The following ZNF333 variants were observed in gnomAD, a reference collection of about 807,000 sequenced individuals.
The protein encoded by ZNF333 is zinc finger protein 333.
In ZNF333, 61 loss-of-function variants were observed where a neutral mutation model predicts 76.1. The observed-to-expected ratio is 0.80, with a 90% CI of 0.65 to 0.99. ZNF333 has a LOEUF of 0.99. ZNF333 is among the 50% of genes least tolerant of loss of function. The pLI is 0.00. For synonymous variants in ZNF333, 284 were observed against 305.0 expected (o/e 0.93, Z 0.72); for missense variants, 717 against 822.4 (o/e 0.87, Z 1.57).
At position 14,692,824 on chromosome 19, in the gene ZNF333, CT is replaced by C. The variant is rs112233179; in HGVS notation, c.-41-614del. 1.6e-3 allele frequency among the ~76,000 whole-genome samples: 230 copies of C among 144,016 alleles called. 3 individuals carry two copies. The highest frequency in any genetic ancestry group is 6.4e-3 in the South Asian group (29 of 4,532). 94.5% of individuals were successfully genotyped at this position (144,016 alleles called of 152,430 possible). A position where few individuals can be genotyped will look rare whatever the true frequency, so the allele number is the denominator to read the frequency against. On this transcript the variant is annotated intron_variant, in intron 1 of 11. Transcript: ENST00000292530. ...CACCGTGCTTGACCTGGACCTTATT[CT>C]TTTTTTTTTTTTCTTGACATGGAGT...
chr19:14,715,207 G>A, intron 7 of ZNF333, 175 bp from the exon 8 acceptor site: 3 of 586,694 alleles, frequency 5.1e-6, no homozygotes, highest in Non-Finnish European at 9.2e-6. Context: ...GTGATTGCAT[G>A]CATGCGTGTG....
At chr19:14,691,170 C>A (rs925279195) in intron 1 of ZNF333, among the ~76,000 whole-genome samples, 14 of 152,070 alleles carry the variant, frequency 9.2e-5, no homozygotes, top group African/African-American at 3.4e-4. Flanking sequence ...ATGTTTGAGA[C>A]GACTTTTACT....
In ZNF333 at chr19:14,717,426, C is replaced by G. The variant is rs2042466003; in HGVS notation, c.824-231C>G. Reference sequence around the variant, plus strand: ...GTAGAATCCTTTTTTGGTAAATTACCTACTATTTCCTTCCCATGTTCCTCT... The same window carrying G: ...GTAGAATCCTTTTTTGGTAAATTACGTACTATTTCCTTCCCATGTTCCTCT... On this transcript the variant is annotated intron_variant, in intron 10 of 11. Coordinates refer to ENST00000292530, the MANE Select transcript of ZNF333 (RefSeq NM_032433.4). The G allele has an allele frequency of 7.2e-6, 4 of 552,982 alleles. No homozygotes were observed. The South Asian group carries it at 9.4e-5, about 13-fold the overall frequency. The allele number at this position is 552,982 out of a possible 1,614,324, so 34.3% of individuals were successfully genotyped here. A position where few individuals can be genotyped will look rare whatever the true frequency, so the allele number is the denominator to read the frequency against.
At chr19:14,696,359 A>C (rs930710124) in intron 4 of ZNF333, among the ~76,000 whole-genome samples, 1 of 152,032 alleles carries the variant, frequency 6.6e-6, no homozygotes, top group South Asian at 2.1e-4. Flanking sequence ...CCCCTCCCTC[A>C]GCCCCTGGCA....
chr19:14,701,399 C>G (rs1245800960), intron 5 of ZNF333, among the ~76,000 whole-genome samples: 1 of 152,166 alleles, frequency 6.6e-6, no homozygotes, highest in Non-Finnish European at 1.5e-5. Flanking sequence ...ACCACTACAC[C>G]TGGCTGATTT....
intron 5 of ZNF333, among the ~76,000 whole-genome samples, chr19:14,700,698 A>C (rs1199045622): frequency 1.3e-5 from 2 of 152,088 alleles, no homozygotes; most frequent in African/African-American, 2.4e-5. Context: ...GTATTGGTGA[A>C]AGTTAGAGTT....
chr19:14,731,212 CT>C (rs1402205055), exon 12 of ZNF333: 15 of 1,532,150 alleles, frequency 9.8e-6, no homozygotes, highest in African/African-American at 1.4e-5. Context: ...ACATCCAGTA[CT>C]CTCTTGCATG....
chr19:14,691,961 G>A (rs1972807539), intron 1 of ZNF333, among the ~76,000 whole-genome samples: 1 of 152,172 alleles, frequency 6.6e-6, no homozygotes, highest in African/African-American at 2.4e-5. Context: ...ATAGGCGTGA[G>A]CAACCATACC....
intron 8 of ZNF333, among the ~76,000 whole-genome samples, 197 bp from the exon 9 acceptor site, chr19:14,715,911 TCTTA>T (rs1425161803): frequency 4.6e-5 from 7 of 152,308 alleles, no homozygotes; most frequent in African/African-American, 1.2e-4. Flanking sequence ...CTCTTGCTGT[TCTTA>T]CTTAAGGAGT....
chr19:14,716,069 T>G, intron 8 of ZNF333, 43 bp from the exon 9 acceptor site: 9 of 1,611,630 alleles, frequency 5.6e-6, no homozygotes, highest in Non-Finnish European at 7.6e-6. Flanking sequence ...GGCGTACTGG[T>G]GGGGGTGGTC....
chr19:14,701,824 G>A, intron 5 of ZNF333: 1 of 985,496 alleles, frequency 1.0e-6, no homozygotes, highest in Non-Finnish European at 1.2e-6. Flanking sequence ...GGCAGAGGAG[G>A]TCCACCTATG....
chr19:14,691,771 G>A (rs1972794148), intron 1 of ZNF333, among the ~76,000 whole-genome samples: 1 of 148,020 alleles, frequency 6.8e-6, no homozygotes, highest in Non-Finnish European at 1.5e-5. Context: ...CTGCCTCCTG[G>A]GTTCAAGCAA....
chr19:14,696,182 A>G (rs1009757422), intron 4 of ZNF333, among the ~76,000 whole-genome samples: 1 of 152,182 alleles, frequency 6.6e-6, no homozygotes, highest in African/African-American at 2.4e-5. Context: ...AAAAAACAAA[A>G]CAAAGCAAAA....
intron 7 of ZNF333, among the ~76,000 whole-genome samples, chr19:14,712,291 C>T (rs1171583265): frequency 3.3e-5 from 5 of 151,870 alleles, no homozygotes; most frequent in African/African-American, 1.2e-4. Context: ...GCAATCTTGG[C>T]TCACTGCAAA....
Position 14,721,050 on chromosome 19 carries a change from T to A in ZNF333, c.*1725T>A. ...TCATTGTAATGATAGTAAATACTTA[T>A]TTAGAGTTTACTATTAATAGATAGT... On this transcript the variant is annotated 3_prime_UTR_variant, in exon 12 of 12. Transcript: ENST00000292530. 1 of 801,512 alleles carries A rather than the reference T, an allele frequency of 1.2e-6. No individual in the cohort carries two copies. Among genetic ancestry groups the A allele is most frequent in the Non-Finnish European group, 1.5e-6 (1 of 662,590 alleles). 49.7% of individuals were successfully genotyped at this position (801,512 alleles called of 1,614,324 possible).
intron 5 of ZNF333, chr19:14,702,040 A>G (rs2041972629): frequency 2.8e-6 from 1 of 353,186 alleles, no homozygotes. Context: ...AGGCCATGCC[A>G]GGCATCATTG....
chr19:14,715,982 G>A lies in ZNF333; in HGVS notation c.601-130G>A, dbSNP rs559512695. The A allele has an allele frequency of 6.8e-5, 99 of 1,459,510 alleles. No individual in the cohort carries two copies. The Middle Eastern group carries it at 1.1e-3, about 16-fold the overall frequency. 90.4% of individuals were successfully genotyped at this position (1,459,510 alleles called of 1,614,324 possible). A position where few individuals can be genotyped will look rare whatever the true frequency, so the allele number is the denominator to read the frequency against. Reference sequence around the variant, plus strand: ...TCCTGAGCTAAGGGCCAGATTCTGCGGGATCTCAGAACCCTGTCTGAAAGT... The same window carrying A: ...TCCTGAGCTAAGGGCCAGATTCTGCAGGATCTCAGAACCCTGTCTGAAAGT... On this transcript the variant is annotated intron_variant, in intron 8 of 11. Coordinates refer to ENST00000292530, the MANE Select transcript of ZNF333 (RefSeq NM_032433.4).
At position 14,693,510 on chromosome 19, in the gene ZNF333, G is replaced by A. The variant is rs771651659; in HGVS notation, c.3+16G>A. On this transcript the variant is annotated intron_variant, in intron 2 of 11. Coordinates refer to ENST00000292530, the MANE Select transcript of ZNF333 (RefSeq NM_032433.4). ...CAGTGTCATGGTGAGGAAACTGGGGGCTCCTGTGGCTGAAGGGGTGGATAT... is the reference window on the plus strand; with the variant it reads ...CAGTGTCATGGTGAGGAAACTGGGGACTCCTGTGGCTGAAGGGGTGGATAT... The A allele has an allele frequency of 6.3e-7, 1 of 1,599,534 alleles. No homozygotes were observed. The highest frequency in any genetic ancestry group is 8.5e-7 in the Non-Finnish European group (1 of 1,169,630).
Position 14,708,719 on chromosome 19 carries a change from C to T in ZNF333, c.511+1946C>T, listed in dbSNP as rs565477129. The T allele has an allele frequency of 2.6e-5, 6 of 233,966 alleles. No homozygotes were observed. In the South Asian group the frequency reaches 1.1e-3, roughly 42 times the overall value. 14.5% of individuals were successfully genotyped at this position (233,966 alleles called of 1,614,324 possible). On this transcript the variant is annotated intron_variant, in intron 7 of 11. Coordinates refer to ENST00000292530, the MANE Select transcript of ZNF333 (RefSeq NM_032433.4). The stretch of plus-strand genomic sequence containing the variant: ...TATGAGTTTGCTAGGGCTGCCATAT[C>T]AAAGTTCCACCAGCTGGGTGGATTA...
Sources: allele counts gnomAD v4.1 joint callset (sites outside exome capture counted in the v4.1 genomes callset), GRCh38; gene constraint gnomAD v4.1.1; transcripts MANE v1.5; gene names NCBI Gene and HGNC (gene_info 2026-07-23, HGNC 2026-07-21).